The following ARHGAP6 variants were observed in gnomAD, a reference collection of about 807,000 sequenced individuals.
ARHGAP6 encodes the protein rho GTPase-activating protein 6.
In ARHGAP6, 16 loss-of-function variants were observed where a neutral mutation model predicts 55.7. The observed-to-expected ratio is 0.29, with a 90% CI of 0.19 to 0.44. The LOEUF (loss-of-function observed/expected upper bound fraction) is 0.44, where lower values mean the gene tolerates loss of function less well. Among genes scored for constraint, ARHGAP6 ranks in the 20% least tolerant of loss-of-function variants. ARHGAP6 has a pLI of 1.00. For missense variants in ARHGAP6, 698 were observed against 808.9 expected (o/e 0.86, Z 1.66); for synonymous variants, 382 against 360.9 (o/e 1.06, Z -0.66).
At chrX:11,415,921 T>C (rs1305413427) in intron 1 of ARHGAP6, among the ~76,000 whole-genome samples, 2 of 111,844 alleles carry the variant, frequency 1.8e-5, no homozygotes, top group Non-Finnish European at 3.8e-5. Flanking sequence ...GGATCCGTGA[T>C]GGTTTTTTTA....
intron 1 of ARHGAP6, among the ~76,000 whole-genome samples, chrX:11,644,360 ACT>A (rs770187608): frequency 3.7e-4 from 41 of 110,619 alleles, no homozygotes; most frequent in African/African-American, 1.3e-3. Context: ...CTCATCAGAA[ACT>A]CAACTTTGCT....
chrX:11,388,157 T>G (rs2049354869), intron 1 of ARHGAP6, among the ~76,000 whole-genome samples: 1 of 112,222 alleles, frequency 8.9e-6, no homozygotes, highest in African/African-American at 3.2e-5. Flanking sequence ...TGAACTAGTT[T>G]ACAGTCCCAC....
chrX:11,356,429 T>A (rs2048932098), intron 1 of ARHGAP6, among the ~76,000 whole-genome samples: 1 of 111,614 alleles, frequency 9.0e-6, no homozygotes, highest in African/African-American at 3.3e-5. Flanking sequence ...TAAAGCAAAA[T>A]AACAAACACA....
At chrX:11,564,651 A>G (rs1343275121) in intron 1 of ARHGAP6, among the ~76,000 whole-genome samples, 1 of 112,059 alleles carries the variant, frequency 8.9e-6, no homozygotes, top group Non-Finnish European at 1.9e-5. Flanking sequence ...TTCTACGAGG[A>G]ATAAACCAGA....
intron 1 of ARHGAP6, among the ~76,000 whole-genome samples, chrX:11,573,644 G>C (rs1601659298): frequency 9.0e-6 from 1 of 110,589 alleles, no homozygotes; most frequent in Non-Finnish European, 1.9e-5. Context: ...TGTTCTTTTG[G>C]CTTAGGATTG....
intron 2 of ARHGAP6, among the ~76,000 whole-genome samples, chrX:11,221,021 CA>C (rs2046962166): frequency 9.0e-6 from 1 of 111,494 alleles, no homozygotes; most frequent in Admixed American, 9.5e-5. Context: ...CAACAAAGAT[CA>C]AAAGAGACAA....
rs1344145026 is a variant in ARHGAP6 at position 11,271,457 on chromosome X, T to C, written c.589-16750A>G. ...TGACATTGTGTTTCATCAATTGCACTTTGGCACTTTGCAAAAGTCTCTTCT... is the reference window on the plus strand; with the variant it reads ...TGACATTGTGTTTCATCAATTGCACCTTGGCACTTTGCAAAAGTCTCTTCT... On this transcript the variant is annotated intron_variant, in intron 1 of 12. Transcript: ENST00000337414. 2.7e-5 allele frequency among the ~76,000 whole-genome samples: 3 copies of C among 112,071 alleles called. No individual in the cohort carries two copies. The East Asian group carries it at 8.4e-4, about 31-fold the overall frequency.
At chrX:11,329,333 T>A (rs2048534894) in intron 1 of ARHGAP6, among the ~76,000 whole-genome samples, 1 of 111,778 alleles carries the variant, frequency 8.9e-6, no homozygotes, top group Admixed American at 9.5e-5. Context: ...TTCAACAGTT[T>A]GACATACTTA....
intron 1 of ARHGAP6, among the ~76,000 whole-genome samples, chrX:11,258,197 C>A (rs147182593): frequency 0.011 from 1,263 of 111,321 alleles, 24 homozygotes; most frequent in African/African-American, 0.039. Flanking sequence ...AAGGGGAGAG[C>A]AAGTCAAAGA....
intron 2 of ARHGAP6, among the ~76,000 whole-genome samples, chrX:11,230,349 C>T (rs1358073252): frequency 2.7e-5 from 3 of 111,169 alleles, no homozygotes; most frequent in African/African-American, 9.8e-5. Context: ...AGGCACACGC[C>T]ACCACACCCA....
At chrX:11,246,510 G>A (rs752765072) in intron 2 of ARHGAP6, among the ~76,000 whole-genome samples, 1 of 111,720 alleles carries the variant, frequency 9.0e-6, no homozygotes, top group African/African-American at 3.3e-5. Flanking sequence ...ATGCCTGCAC[G>A]CATCCATTCA....
At chrX:11,255,827 A>G (rs1437084052) in intron 1 of ARHGAP6, among the ~76,000 whole-genome samples, 1 of 111,952 alleles carries the variant, frequency 8.9e-6, no homozygotes, top group East Asian at 2.8e-4. Context: ...ACTGAGGGTA[A>G]ATGGCTCCAC....
At chrX:11,411,549 CTGGT>C (rs2049688299) in intron 1 of ARHGAP6, among the ~76,000 whole-genome samples, 1 of 109,469 alleles carries the variant, frequency 9.1e-6, no homozygotes, top group Non-Finnish European at 1.9e-5. Flanking sequence ...TCTTAGAAGT[CTGGT>C]GTCTAGTTCA....
intron 8 of ARHGAP6, among the ~76,000 whole-genome samples, chrX:11,176,255 A>ATATATATATT (rs1555965241): frequency 5.0e-5 from 3 of 60,412 alleles, no homozygotes; most frequent in Admixed American, 2.2e-4. Flanking sequence ...ATATATATAT[A>ATATATATATT]TATATATATT....
chrX:11,594,725 T>C (rs2051880434), intron 1 of ARHGAP6, among the ~76,000 whole-genome samples: 2 of 111,738 alleles, frequency 1.8e-5, no homozygotes, highest in Non-Finnish European at 3.8e-5. Flanking sequence ...ACCCACCACC[T>C]ATGAAAAAAC....
chrX:11,306,488 T>C (rs5935001), intron 1 of ARHGAP6, among the ~76,000 whole-genome samples: 40,661 of 111,353 alleles, frequency 0.37, 6,295 homozygotes, highest in African/African-American at 0.59. Flanking sequence ...TTACTGGGCT[T>C]ATTATATTTC....
At chrX:11,305,583 A>C (rs944050376) in intron 1 of ARHGAP6, among the ~76,000 whole-genome samples, 1 of 111,682 alleles carries the variant, frequency 9.0e-6, no homozygotes, top group African/African-American at 3.3e-5. Flanking sequence ...AACCTCTGAA[A>C]GTGATTGTGT....
chrX:11,337,768 C>T, intron 1 of ARHGAP6, among the ~76,000 whole-genome samples: 1 of 112,599 alleles, frequency 8.9e-6, no homozygotes. Context: ...TGTCTTACTT[C>T]ATTTTGTGTT....
At chrX:11,215,454 G>A (rs1350317461) in intron 2 of ARHGAP6, among the ~76,000 whole-genome samples, 1 of 113,304 alleles carries the variant, frequency 8.8e-6, no homozygotes, top group African/African-American at 3.2e-5. Flanking sequence ...GGCCAGGACA[G>A]GAGGGGATGC....
Sources: gnomAD v4.1 joint callset for allele counts (sites outside exome capture counted in the v4.1 genomes callset) on GRCh38, gnomAD v4.1.1 for gene constraint, MANE v1.5 for transcripts, NCBI Gene and HGNC (gene_info 2026-07-23, HGNC 2026-07-21) for gene names.